Variants in RYR2 observed in about 807,000 individuals in gnomAD.
The protein encoded by RYR2 is ryanodine receptor 2.
RYR2 carries 227 observed loss-of-function variants against 601.1 expected under a neutral mutation model. The observed-to-expected ratio is 0.38, with a 90% CI of 0.34 to 0.42. The LOEUF (loss-of-function observed/expected upper bound fraction) is 0.42. Among genes scored for constraint, RYR2 ranks in the 10% least tolerant of loss-of-function variants. The pLI is 1.00. For synonymous variants in RYR2, 2,223 were observed against 2,175.1 expected (o/e 1.02, Z -0.61); for missense variants, 4,646 against 6,156.5 (o/e 0.75, Z 8.21).
intron 63 of RYR2, among the ~76,000 whole-genome samples, chr1:237,697,315 G>GGTGT (rs556284201): frequency 1.4e-5 from 2 of 142,538 alleles, no homozygotes; most frequent in Admixed American, 1.5e-4. Context: ...AGTTTCTGTA[G>GGTGT]GTGTGTGTGT....
intron 1 of RYR2, among the ~76,000 whole-genome samples, chr1:237,063,446 TATA>T (rs1415162706): frequency 1.3e-5 from 2 of 152,240 alleles, no homozygotes; most frequent in African/African-American, 4.8e-5. Context: ...CACTAGAGAT[TATA>T]ATATCGTTAA....
At chr1:237,365,892 G>T (rs963972715) in intron 5 of RYR2, among the ~76,000 whole-genome samples, 1 of 152,160 alleles carries the variant, frequency 6.6e-6, no homozygotes, top group Non-Finnish European at 1.5e-5. Context: ...AAAAGCAGGT[G>T]GTATGCCTAA....
intron 1 of RYR2, among the ~76,000 whole-genome samples, chr1:237,134,292 C>T (rs1352644342): frequency 1.3e-5 from 2 of 152,048 alleles, no homozygotes; most frequent in Non-Finnish European, 2.9e-5. Context: ...TTTTTTTAAT[C>T]AGTGTATTTG....
chr1:237,537,387 A>G (rs10925450), intron 25 of RYR2, among the ~76,000 whole-genome samples: 32,274 of 152,018 alleles, frequency 0.21, 3,529 homozygotes, highest in South Asian at 0.35. Flanking sequence ...GCAGTAGCAC[A>G]ATCTTGGCTC....
chr1:237,642,692 G>A (rs192426419), intron 47 of RYR2, among the ~76,000 whole-genome samples: 265 of 152,128 alleles, frequency 1.7e-3, no homozygotes, highest in African/African-American at 6.1e-3. Flanking sequence ...TGCCCATCCC[G>A]GCTCTTCAGA....
At chr1:237,776,330 G>A (rs57827447) in intron 87 of RYR2, among the ~76,000 whole-genome samples, 8,629 of 152,172 alleles carry the variant, frequency 0.057, 276 homozygotes, top group Non-Finnish European at 0.079. Flanking sequence ...TAAATGAGCT[G>A]GATTTAATGA....
At chr1:237,630,630 AT>A in intron 41 of RYR2, among the ~76,000 whole-genome samples, 1 of 152,280 alleles carries the variant, frequency 6.6e-6, no homozygotes, top group South Asian at 2.1e-4. Flanking sequence ...TAACAAGAAA[AT>A]GTTTTATAGA....
intron 48 of RYR2, among the ~76,000 whole-genome samples, chr1:237,644,446 A>G (rs1411186296): frequency 2.0e-5 from 3 of 151,854 alleles, no homozygotes; most frequent in African/African-American, 7.3e-5. Flanking sequence ...GTTAGCCAGG[A>G]TGGTCTCGAC....
At chr1:237,561,088 T>C (rs1007922548) in intron 27 of RYR2, among the ~76,000 whole-genome samples, 1 of 151,368 alleles carries the variant, frequency 6.6e-6, no homozygotes, top group African/African-American at 2.4e-5. Flanking sequence ...AGGAATCTAA[T>C]GAGTTTGAAG....
intron 1 of RYR2, among the ~76,000 whole-genome samples, chr1:237,082,417 G>C (rs185690991): frequency 6.6e-6 from 1 of 150,950 alleles, no homozygotes; most frequent in African/African-American, 2.4e-5. Context: ...TGCTATTGTC[G>C]ATGCACCTTT....
intron 26 of RYR2, among the ~76,000 whole-genome samples, chr1:237,550,048 T>C (rs573721244): frequency 1.2e-4 from 19 of 152,274 alleles, no homozygotes; most frequent in African/African-American, 4.1e-4. Context: ...GGTTGGTGGA[T>C]TCAACCCAAT....
In RYR2 at chr1:237,819,840, C is replaced by G. The variant is rs1038371762; in HGVS notation, c.14590+648C>G. 2.0e-5 allele frequency among the ~76,000 whole-genome samples: 3 copies of G among 151,644 alleles called. No individual in the cohort carries two copies. The highest frequency in any genetic ancestry group is 4.4e-5 in the Non-Finnish European group (3 of 67,910). ...TTTCAAAACACACACTCAAACCCAACAACAACAACAACAACAAAAACTTCT... is the reference window on the plus strand; with the variant it reads ...TTTCAAAACACACACTCAAACCCAAGAACAACAACAACAACAAAAACTTCT... On this transcript the variant is annotated intron_variant, in intron 101 of 104. Transcript: ENST00000366574. The surrounding 1 kb of genome is among the most constrained non-coding windows in gnomAD (Gnocchi z 4.0).
intron 1 of RYR2, among the ~76,000 whole-genome samples, chr1:237,173,405 A>G (rs1411420378): frequency 6.6e-6 from 1 of 152,228 alleles, no homozygotes; most frequent in African/African-American, 2.4e-5. Flanking sequence ...GGACAGTAAT[A>G]GAATAGAATC....
At chr1:237,207,497 C>T (rs1222495550) in intron 1 of RYR2, among the ~76,000 whole-genome samples, 1 of 152,124 alleles carries the variant, frequency 6.6e-6, no homozygotes, top group Non-Finnish European at 1.5e-5. Context: ...ACCGAGGAGG[C>T]GGAGGTTGCA....
rs553168877 is a variant in RYR2, at chr1:237,385,559, G to T, written c.577-1722G>T. Among the ~76,000 whole-genome samples, 249 of 152,276 alleles carry T rather than the reference G, an allele frequency of 1.6e-3. 2 individuals are homozygous for T. The highest frequency in any genetic ancestry group is 5.8e-3 in the African/African-American group (242 of 41,554). On this transcript the variant is annotated intron_variant, in intron 8 of 104. Coordinates refer to ENST00000366574, the MANE Select transcript of RYR2 (RefSeq NM_001035.3). The stretch of plus-strand genomic sequence containing the variant: ...ACCCATGATGAATTAACAAATGATG[G>T]TAATCTACTTATCATAATATTACAT...
intron 1 of RYR2, among the ~76,000 whole-genome samples, chr1:237,206,265 T>A (rs1024437907): frequency 2.6e-5 from 4 of 152,162 alleles, no homozygotes; most frequent in African/African-American, 9.7e-5. Flanking sequence ...ATCTACCTGT[T>A]TGATTCCATT....
intron 1 of RYR2, among the ~76,000 whole-genome samples, chr1:237,081,670 A>T (rs1665692773): frequency 6.6e-6 from 1 of 151,698 alleles, no homozygotes; most frequent in African/African-American, 2.4e-5. Context: ...ATTCCATCCC[A>T]ATGACCCATC....
At chr1:237,827,829 G>T in intron 101 of RYR2, among the ~76,000 whole-genome samples, 1 of 150,038 alleles carries the variant, frequency 6.7e-6, no homozygotes, top group Non-Finnish European at 1.5e-5. Context: ...CCCAGCTGCT[G>T]GGGAGGCTGA....
chr1:237,476,009 G>A (rs1661353024), intron 17 of RYR2, among the ~76,000 whole-genome samples: 1 of 152,230 alleles, frequency 6.6e-6, no homozygotes, highest in Non-Finnish European at 1.5e-5. Flanking sequence ...CTCAGTCCTT[G>A]AAATACGATT....
Sources: allele counts gnomAD v4.1 joint callset (sites outside exome capture counted in the v4.1 genomes callset), GRCh38; gene constraint gnomAD v4.1.1; non-coding constraint Gnocchi (gnomAD v3.1); transcripts MANE v1.5; gene names NCBI Gene and HGNC (gene_info 2026-07-23, HGNC 2026-07-21).